Variants in OXR1 observed in about 807,000 individuals in gnomAD.
The protein encoded by OXR1 is oxidation resistance protein 1.
Under a neutral mutation model 104.6 loss-of-function variants are expected in OXR1, and 41 were observed. That is an observed-to-expected ratio of 0.39 (90% CI 0.31 to 0.51). The LOEUF (loss-of-function observed/expected upper bound fraction) is 0.51, where lower values mean the gene tolerates loss of function less well. OXR1 is among the 20% of genes least tolerant of loss of function. The pLI, the probability that OXR1 is intolerant of heterozygous loss-of-function variation, is 0.77. For missense variants in OXR1, 955 were observed against 1,031.9 expected (o/e 0.93, Z 1.02); for synonymous variants, 348 against 348.4 (o/e 1.00, Z 0.01).
chr8:106,697,364 T>C, intron 7 of OXR1: 1 of 1,152,770 alleles, frequency 8.7e-7, no homozygotes, highest in Non-Finnish European at 1.2e-6. Context: ...ACTGCTAAAA[T>C]ATATATCTAC....
chr8:106,585,011 T>C (rs1022626962), intron 3 of OXR1, among the ~76,000 whole-genome samples: 1 of 152,126 alleles, frequency 6.6e-6, no homozygotes, highest in Non-Finnish European at 1.5e-5. Context: ...TTTAAACTTA[T>C]AAAGAGACAA....
At chr8:106,273,418 A>AC (rs1169042639) in intron 1 of OXR1, among the ~76,000 whole-genome samples, 2 of 152,038 alleles carry the variant, frequency 1.3e-5, no homozygotes, top group African/African-American at 4.8e-5. Flanking sequence ...GGGCAGTTTT[A>AC]CCCCCTAGGG....
chr8:106,411,584 T>C (rs911388096), intron 2 of OXR1, among the ~76,000 whole-genome samples: 1 of 152,090 alleles, frequency 6.6e-6, no homozygotes, highest in African/African-American at 2.4e-5. Context: ...CTTCACACAA[T>C]AGATGACACC....
chr8:106,447,598 A>G (rs919850778), intron 2 of OXR1, among the ~76,000 whole-genome samples: 6 of 152,228 alleles, frequency 3.9e-5, no homozygotes, highest in Non-Finnish European at 7.3e-5. Flanking sequence ...TAAGAACACA[A>G]TGAATTACAG....
intron 2 of OXR1, among the ~76,000 whole-genome samples, chr8:106,494,400 A>G (rs1297061137): frequency 6.6e-6 from 1 of 152,130 alleles, no homozygotes; most frequent in Non-Finnish European, 1.5e-5. Flanking sequence ...AGAAAAATTT[A>G]TATTTGACGA....
intron 3 of OXR1, among the ~76,000 whole-genome samples, chr8:106,632,827 T>G (rs1329208468): frequency 6.6e-6 from 1 of 152,154 alleles, no homozygotes; most frequent in African/African-American, 2.4e-5. Context: ...TGGTCCCAGC[T>G]ATTCAGGAGG....
At chr8:106,313,652 G>A (rs1424199262) in intron 1 of OXR1, among the ~76,000 whole-genome samples, 1 of 151,910 alleles carries the variant, frequency 6.6e-6, no homozygotes, top group Non-Finnish European at 1.5e-5. Flanking sequence ...CTTTTGCTAG[G>A]ACAAAATGAA....
At chr8:106,711,128 A>G (rs1015407386) in intron 10 of OXR1, among the ~76,000 whole-genome samples, 1 of 152,126 alleles carries the variant, frequency 6.6e-6, no homozygotes, top group African/African-American at 2.4e-5. Flanking sequence ...TATATTAAAA[A>G]TTCTTCAAAT....
intron 2 of OXR1, among the ~76,000 whole-genome samples, chr8:106,462,799 G>A (rs1246198252): frequency 2.6e-5 from 4 of 151,960 alleles, no homozygotes; most frequent in African/African-American, 9.7e-5. Flanking sequence ...TTTCTCATGT[G>A]TTCAAGAGAA....
intron 1 of OXR1, among the ~76,000 whole-genome samples, chr8:106,300,365 A>T (rs761140903): frequency 6.6e-6 from 1 of 152,032 alleles, no homozygotes; most frequent in Non-Finnish European, 1.5e-5. Flanking sequence ...CCTAAGATTT[A>T]TACTTCAGCA....
At chr8:106,482,475 G>T (rs1347045403) in intron 2 of OXR1, among the ~76,000 whole-genome samples, 1 of 151,220 alleles carries the variant, frequency 6.6e-6, no homozygotes, top group African/African-American at 2.4e-5. Flanking sequence ...GTGATGTTGA[G>T]AGAGTTACAT....
chr8:106,667,151 G>T (rs932772495), intron 3 of OXR1, among the ~76,000 whole-genome samples: 6 of 151,904 alleles, frequency 3.9e-5, no homozygotes, highest in African/African-American at 1.5e-4. Context: ...GAATTCCCTG[G>T]GTAGCCATGA....
At chr8:106,442,247 A>C (rs1295941882) in intron 2 of OXR1, among the ~76,000 whole-genome samples, 1 of 152,210 alleles carries the variant, frequency 6.6e-6, no homozygotes, top group African/African-American at 2.4e-5. Context: ...CCAGCCTTGC[A>C]TCCTAGGGAT....
chr8:106,329,473 G>C (rs1007114433), intron 1 of OXR1, among the ~76,000 whole-genome samples: 19 of 150,944 alleles, frequency 1.3e-4, no homozygotes, highest in African/African-American at 4.4e-4. Flanking sequence ...TCAGCCTCCC[G>C]AGTAGCTGGG....
intron 3 of OXR1, among the ~76,000 whole-genome samples, chr8:106,570,287 A>G (rs1038164185): frequency 2.6e-5 from 4 of 152,166 alleles, no homozygotes; most frequent in Non-Finnish European, 4.4e-5. Context: ...AGGACCAATG[A>G]CTTTGTATTT....
At chr8:106,464,178 G>A (rs967792512) in intron 2 of OXR1, among the ~76,000 whole-genome samples, 3 of 152,030 alleles carry the variant, frequency 2.0e-5, no homozygotes, top group African/African-American at 4.8e-5. Context: ...GAAAGGTACT[G>A]TATTCCACAA....
chr8:106,415,720 C>T lies in OXR1; in HGVS notation c.23+56084C>T, dbSNP rs796310593. On this transcript the variant is annotated intron_variant, in intron 2 of 16. Coordinates refer to ENST00000517566, the MANE Select transcript of OXR1 (RefSeq NM_001198533.2). ...TGGTTAGTTCTACTCACACTTATTG[C>T]TTACATAGTCATAAATTTTTGCCTC... Among the ~76,000 whole-genome samples, 4 of 152,034 alleles carry T rather than the reference C, an allele frequency of 2.6e-5. No individual in the cohort carries two copies. The South Asian group carries it at 8.3e-4, about 32-fold the overall frequency.
At chr8:106,413,712 ATGCTGT>A in intron 2 of OXR1, among the ~76,000 whole-genome samples, 1 of 141,974 alleles carries the variant, frequency 7.0e-6, no homozygotes, top group Non-Finnish European at 1.5e-5. Flanking sequence ...TATATAGCTA[ATGCTGT>A]ATCTACTTTT....
chr8:106,277,376 T>G (rs1563690386), intron 1 of OXR1, among the ~76,000 whole-genome samples: 1 of 152,164 alleles, frequency 6.6e-6, no homozygotes, highest in African/African-American at 2.4e-5. Context: ...TTCGGTGACA[T>G]AAGCAAGTAA....
Sources: allele counts gnomAD v4.1 joint callset (sites outside exome capture counted in the v4.1 genomes callset), GRCh38; gene constraint gnomAD v4.1.1; transcripts MANE v1.5; gene names NCBI Gene and HGNC (gene_info 2026-07-23, HGNC 2026-07-21).